The following GTF3C5 variants were observed in gnomAD, a reference collection of about 807,000 sequenced individuals.
GTF3C5 encodes general transcription factor IIIC subunit 5, also known as general transcription factor 3C polypeptide 5.
A neutral mutation model predicts 61.0 loss-of-function variants in GTF3C5; 47 were observed. The observed-to-expected ratio is 0.77, with a 90% CI of 0.61 to 0.98. GTF3C5 has a LOEUF of 0.98. Ranked by LOEUF, GTF3C5 falls within the 50% of genes least tolerant of loss-of-function variation. GTF3C5 has a pLI of 0.00. For synonymous variants in GTF3C5, 295 were observed against 275.4 expected (o/e 1.07, Z -0.71); for missense variants, 659 against 703.3 (o/e 0.94, Z 0.71).
chr9:133,049,933 C>T (rs1416890506), intron 3 of GTF3C5, among the ~76,000 whole-genome samples: 2 of 152,100 alleles, frequency 1.3e-5, no homozygotes, highest in Non-Finnish European at 2.9e-5. Context: ...TATGCTGAGA[C>T]GTCGTCACCC....
chr9:133,042,852 G>GT (rs1294026843), intron 2 of GTF3C5, among the ~76,000 whole-genome samples: 1 of 152,222 alleles, frequency 6.6e-6, no homozygotes, highest in Admixed American at 6.5e-5. Flanking sequence ...AGCCCTGCCA[G>GT]TTTCTTTGGG....
Position 133,054,476 on chromosome 9 carries a change from G to T in GTF3C5, c.1057G>T (p.Val353Phe). 1 of 1,614,040 alleles carries T rather than the reference G, an allele frequency of 6.2e-7. No homozygotes were observed. Among genetic ancestry groups the T allele is most frequent in the Non-Finnish European group, 8.5e-7 (1 of 1,179,906 alleles). The change falls in exon 7 of 11, where the codon GTC becomes TTC. Residue 353 changes from valine (V) to phenylalanine (F), a missense_variant. By Grantham distance (50) the Val-to-Phe change is conservative. Coordinates refer to ENST00000372097, the MANE Select transcript of GTF3C5 (RefSeq NM_012087.4). ...STYNYSLPIT[V>F]KKTSSQLVTM... ...CTACAACTACAGCCTCCCCATCACC[G>T]TCAAGAAGACATGTAAGCGTGCCAG...
chr9:133,046,193 G>T (rs569726557), intron 3 of GTF3C5, among the ~76,000 whole-genome samples: 39 of 152,280 alleles, frequency 2.6e-4, no homozygotes, highest in African/African-American at 8.9e-4. Flanking sequence ...GCTGGGCATG[G>T]TGGCGTGCAC....
At chr9:133,053,499 C>T (rs1006231695) in intron 5 of GTF3C5, among the ~76,000 whole-genome samples, 8 of 152,268 alleles carry the variant, frequency 5.3e-5, no homozygotes, top group African/African-American at 1.2e-4. Context: ...GTAGGAGGAT[C>T]ACTTGAGCCC....
chr9:133,058,006 A>G lies in GTF3C5; in HGVS notation c.*26A>G. The G allele has an allele frequency of 1.2e-6, 2 of 1,612,836 alleles. No individual in the cohort carries two copies. Among genetic ancestry groups the G allele is most frequent in the Non-Finnish European group, 1.7e-6 (2 of 1,179,580 alleles). On this transcript the variant is annotated 3_prime_UTR_variant, in exon 11 of 11. Transcript: ENST00000372097. ...CAGGGCCCAAGGCTGGGCCTCCCTG[A>G]CCCGGCCAGACTGGTGTCTGGCCTA...
At chr9:133,057,158 G>A (rs1044122040) in intron 10 of GTF3C5, among the ~76,000 whole-genome samples, 1 of 152,236 alleles carries the variant, frequency 6.6e-6, no homozygotes, top group South Asian at 2.1e-4. Context: ...GCCCAGAGGG[G>A]CTGGGTGCAG....
chr9:133,049,672 C>T (rs1022166404), intron 3 of GTF3C5, among the ~76,000 whole-genome samples: 2 of 152,110 alleles, frequency 1.3e-5, no homozygotes, highest in Admixed American at 6.6e-5. Flanking sequence ...ACCTTAAAGA[C>T]GTAACTACTA....
At chr9:133,057,428 G>C (rs1411932757) in intron 10 of GTF3C5, among the ~76,000 whole-genome samples, 1 of 152,196 alleles carries the variant, frequency 6.6e-6, no homozygotes, top group Admixed American at 6.5e-5. Context: ...TCCCAGGCTT[G>C]GGGAGGAGGC....
At chr9:133,037,806 T>C (rs1849911359) in intron 1 of GTF3C5, among the ~76,000 whole-genome samples, 1 of 152,172 alleles carries the variant, frequency 6.6e-6, no homozygotes, top group Non-Finnish European at 1.5e-5. Context: ...AACAAAAAGC[T>C]CTTCTGAGGA....
At chr9:133,051,529 C>G (rs908255050) in intron 4 of GTF3C5, among the ~76,000 whole-genome samples, 2 of 152,258 alleles carry the variant, frequency 1.3e-5, no homozygotes, top group African/African-American at 4.8e-5. Flanking sequence ...CTGGGGCACA[C>G]TGTCAGTGGC....
chr9:133,030,837 C>T (rs1316451368), upstream of GTF3C5: 4 of 735,490 alleles, frequency 5.4e-6, no homozygotes, highest in Admixed American at 6.8e-5. Flanking sequence ...AAGACATGGG[C>T]CCTCCCATGG....
At chr9:133,043,659 G>A in intron 2 of GTF3C5, 69 bp from the exon 3 acceptor site, 1 of 1,245,296 alleles carries the variant, frequency 8.0e-7, no homozygotes, top group South Asian at 1.2e-5. Context: ...AAGCAGATGT[G>A]GGTGTCGGTG....
chr9:133,045,307 A>G (rs895813107), intron 3 of GTF3C5, among the ~76,000 whole-genome samples: 20 of 152,292 alleles, frequency 1.3e-4, no homozygotes, highest in African/African-American at 2.9e-4. Context: ...AAGCCGAGAC[A>G]TGGGGTCAGC....
intron 1 of GTF3C5, among the ~76,000 whole-genome samples, chr9:133,040,624 A>G (rs748217632): frequency 6.6e-6 from 1 of 152,190 alleles, no homozygotes; most frequent in Non-Finnish European, 1.5e-5. Flanking sequence ...TCAGAGCCCA[A>G]ATGGTTGTTA....
At chr9:133,052,782 G>A (rs1467358885) in intron 5 of GTF3C5, among the ~76,000 whole-genome samples, 2 of 152,098 alleles carry the variant, frequency 1.3e-5, no homozygotes, top group Non-Finnish European at 2.9e-5. Flanking sequence ...TTGGACTTCC[G>A]GCTCAGGAGA....
intron 1 of GTF3C5, among the ~76,000 whole-genome samples, chr9:133,032,759 G>C (rs562160229): frequency 1.3e-5 from 2 of 152,272 alleles, no homozygotes; most frequent in East Asian, 1.9e-4. Context: ...ACAATGGCAA[G>C]GGACATAAGG....
chr9:133,055,389 G>A (rs1385326470), intron 8 of GTF3C5: 8 of 1,296,686 alleles, frequency 6.2e-6, no homozygotes, highest in Non-Finnish European at 8.1e-6. Context: ...AGAGACGGGT[G>A]ATGCGAGGGA....
chr9:133,048,934 A>C (rs1850289842), intron 3 of GTF3C5, among the ~76,000 whole-genome samples: 1 of 152,188 alleles, frequency 6.6e-6, no homozygotes, highest in Non-Finnish European at 1.5e-5. Context: ...TGCTGGGTGC[A>C]TGAGGACTGG....
chr9:133,033,610 CAGAG>C (rs905263251), intron 1 of GTF3C5, among the ~76,000 whole-genome samples: 1 of 152,082 alleles, frequency 6.6e-6, no homozygotes, highest in African/African-American at 2.4e-5. Flanking sequence ...CAGGGAACAG[CAGAG>C]AGAGAGCTCG....
Sources: gnomAD v4.1 joint callset for allele counts (sites outside exome capture counted in the v4.1 genomes callset) on GRCh38, gnomAD v4.1.1 for gene constraint, MANE v1.5 for transcripts, NCBI Gene and HGNC (gene_info 2026-07-23, HGNC 2026-07-21) for gene names.